The following CSMD1 variants were observed in gnomAD, a reference collection of about 807,000 sequenced individuals.
The protein encoded by CSMD1 is CUB and sushi domain-containing protein 1.
Under a neutral mutation model 417.5 loss-of-function variants are expected in CSMD1, and 213 were observed. The ratio of observed to expected loss-of-function variants is 0.51; its 90% CI spans 0.46 to 0.57. The LOEUF (loss-of-function observed/expected upper bound fraction) is 0.57, where lower values mean the gene tolerates loss of function less well. Ranked by LOEUF, CSMD1 falls within the 20% of genes least tolerant of loss-of-function variation. The pLI is 0.00. For missense variants in CSMD1, 6,923 were observed against 4,529.7 expected (o/e 1.53, Z -15.17); for synonymous variants, 2,862 against 1,736.8 (o/e 1.65, Z -16.11).
chr8:4,344,906 G>T (rs1584932103), intron 3 of CSMD1, among the ~76,000 whole-genome samples: 1 of 152,090 alleles, frequency 6.6e-6, no homozygotes, highest in African/African-American at 2.4e-5. Flanking sequence ...ACAAGAACAG[G>T]CACTATGCAA....
At chr8:2,949,432 G>T in intron 67 of CSMD1, 46 bp from the exon 68 acceptor site, 1 of 997,084 alleles carries the variant, frequency 1.0e-6, no homozygotes, top group South Asian at 1.4e-5. Context: ...GGTATACGAA[G>T]GGATGAATAA....
At chr8:4,907,720 G>A (rs978738120) in intron 1 of CSMD1, among the ~76,000 whole-genome samples, 25 of 97,326 alleles carry the variant, frequency 2.6e-4, no homozygotes, top group Admixed American at 1.4e-3. Context: ...CACTATCCCC[G>A]GCAATTTTTT....
At chr8:3,399,766 T>C (rs889799030) in intron 15 of CSMD1, among the ~76,000 whole-genome samples, 1 of 152,356 alleles carries the variant, frequency 6.6e-6, no homozygotes, top group South Asian at 2.1e-4. Context: ...GTAATGGTAA[T>C]GTATACGTGA....
intron 5 of CSMD1, among the ~76,000 whole-genome samples, chr8:3,948,128 C>T (rs1331485054): frequency 6.6e-6 from 1 of 152,134 alleles, no homozygotes; most frequent in Admixed American, 6.6e-5. Flanking sequence ...ACTGCTTTAA[C>T]CGAGAGGCTT....
chr8:3,416,164 G>A (rs982379997), intron 12 of CSMD1, among the ~76,000 whole-genome samples: 21 of 44,896 alleles, frequency 4.7e-4, no homozygotes, highest in Non-Finnish European at 1.1e-4. Flanking sequence ...AGCCGGGCGT[G>A]TTGGGGGGCG....
At chr8:4,237,571 G>A (rs993574830) in intron 3 of CSMD1, among the ~76,000 whole-genome samples, 2 of 149,854 alleles carry the variant, frequency 1.3e-5, no homozygotes, top group Admixed American at 1.3e-4. Flanking sequence ...GTCTTGCTCT[G>A]TCAACCAAGC....
rs540011879 is a variant in CSMD1, at chr8:3,457,232, C to G, written c.1561+11480G>C. On this transcript the variant is annotated intron_variant, in intron 12 of 69. Transcript: ENST00000635120. ...CCTCATCCTGCCCTCCTCACTGCAC[C>G]TCTCATCCTGGACTCGTGAACCTGT... Among the ~76,000 whole-genome samples, 143 of 152,010 alleles carry G rather than the reference C, an allele frequency of 9.4e-4. 1 individual carries two copies. Among genetic ancestry groups the G allele is most frequent in the African/African-American group, 3.4e-3 (139 of 41,430 alleles).
intron 45 of CSMD1, chr8:3,106,869 G>A (rs555135224): frequency 6.9e-5 from 25 of 362,720 alleles, no homozygotes; most frequent in African/African-American, 4.0e-4. Flanking sequence ...TGATGTGGCA[G>A]CTTTTCTTCC....
chr8:3,417,924 G>A (rs1413077285), intron 12 of CSMD1, among the ~76,000 whole-genome samples: 3 of 152,144 alleles, frequency 2.0e-5, no homozygotes, highest in African/African-American at 7.2e-5. Context: ...GCACAACCCA[G>A]CACTTGGACA....
rs546699229 is a variant in CSMD1, at chr8:4,704,100, C to T, written c.86-66542G>A. Among the ~76,000 whole-genome samples the T allele has an allele frequency of 4.3e-4, 66 of 152,308 alleles. 1 individual carries two copies. In the South Asian group the frequency reaches 9.7e-3, roughly 22 times the overall value. ...CGCAGACTGGTTCCTAACAGGCCAA[C>T]GTCTGATACAGGCCTTCATCCAAGG... On this transcript the variant is annotated intron_variant, in intron 1 of 69. Coordinates refer to ENST00000635120, the MANE Select transcript of CSMD1 (RefSeq NM_033225.6).
intron 2 of CSMD1, among the ~76,000 whole-genome samples, chr8:4,622,408 C>A (rs373355095): frequency 2.6e-4 from 39 of 152,148 alleles, no homozygotes; most frequent in African/African-American, 8.7e-4. Context: ...TGGCGAGCTA[C>A]CCGATGGGGT....
At chr8:3,729,651 G>A (rs555819661) in intron 6 of CSMD1, among the ~76,000 whole-genome samples, 38 of 151,000 alleles carry the variant, frequency 2.5e-4, no homozygotes, top group African/African-American at 6.9e-4. Context: ...TAGAGGAAGC[G>A]ATGGGGGCTA....
intron 1 of CSMD1, among the ~76,000 whole-genome samples, chr8:4,802,562 G>C (rs115158967): frequency 1.3e-5 from 2 of 152,082 alleles, no homozygotes; most frequent in African/African-American, 4.8e-5. Context: ...TCAAACTATA[G>C]TTTATGAAGA....
chr8:4,485,943 C>G (rs1801354979), intron 2 of CSMD1, among the ~76,000 whole-genome samples: 1 of 151,856 alleles, frequency 6.6e-6, no homozygotes, highest in Non-Finnish European at 1.5e-5. Flanking sequence ...TTTGTAGCCA[C>G]AAAGTTCATC....
intron 2 of CSMD1, among the ~76,000 whole-genome samples, chr8:4,620,909 A>G (rs1423039911): frequency 6.6e-6 from 1 of 152,008 alleles, no homozygotes; most frequent in Non-Finnish European, 1.5e-5. Flanking sequence ...GTAAAAAAAA[A>G]TAGGCAACTG....
chr8:3,313,518 T>C (rs1182522267), intron 23 of CSMD1, among the ~76,000 whole-genome samples: 1 of 152,128 alleles, frequency 6.6e-6, no homozygotes, highest in East Asian at 1.9e-4. Context: ...AAAATGCTCA[T>C]CATCACTGGC....
chr8:3,589,235 G>A (rs1800736579), intron 8 of CSMD1, among the ~76,000 whole-genome samples: 1 of 152,084 alleles, frequency 6.6e-6, no homozygotes, highest in South Asian at 2.1e-4. Flanking sequence ...TTTCACTTCT[G>A]ATCCTATATC....
At chr8:4,406,924 CA>C (rs1805066062) in intron 3 of CSMD1, among the ~76,000 whole-genome samples, 1 of 152,132 alleles carries the variant, frequency 6.6e-6, no homozygotes. Flanking sequence ...GGTTAAATAA[CA>C]AGACCAAGCT....
chr8:4,840,495 A>C (rs967238069), intron 1 of CSMD1, among the ~76,000 whole-genome samples: 2 of 152,226 alleles, frequency 1.3e-5, no homozygotes, highest in African/African-American at 2.4e-5. Flanking sequence ...TATTCGATGA[A>C]GTAAATTAAG....
Sources: allele counts gnomAD v4.1 joint callset (sites outside exome capture counted in the v4.1 genomes callset), GRCh38; gene constraint gnomAD v4.1.1; transcripts MANE v1.5; gene names NCBI Gene and HGNC (gene_info 2026-07-23, HGNC 2026-07-21).